Variants in PLCB1 observed in about 807,000 individuals in gnomAD.
PLCB1 encodes phospholipase C beta 1.
Under a neutral mutation model 161.8 loss-of-function variants are expected in PLCB1, and 46 were observed. That is an observed-to-expected ratio of 0.28 (90% CI 0.22 to 0.36). PLCB1 has a LOEUF of 0.36. Among genes scored for constraint, PLCB1 ranks in the 10% least tolerant of loss-of-function variants. The pLI is 1.00. For synonymous variants in PLCB1, 517 were observed against 503.7 expected, an observed-to-expected ratio of 1.03 and a Z score of -0.35; for missense variants, 1,016 against 1,472.5, an observed-to-expected ratio of 0.69 and a Z score of 5.07.
At chr20:8,176,075 T>C (rs1190736253) in intron 2 of PLCB1, among the ~76,000 whole-genome samples, 1 of 152,164 alleles carries the variant, frequency 6.6e-6, no homozygotes, top group Non-Finnish European at 1.5e-5. Context: ...GGTTAAACAG[T>C]CTGGCAGTTT....
intron 3 of PLCB1, among the ~76,000 whole-genome samples, chr20:8,601,907 G>A (rs970723993): frequency 3.9e-5 from 6 of 152,204 alleles, no homozygotes; most frequent in East Asian, 1.9e-4. Flanking sequence ...GAAGTGTTGC[G>A]GCTGTTTTCT....
chr20:8,167,989 T>C (rs975140210), intron 2 of PLCB1, among the ~76,000 whole-genome samples: 1 of 152,158 alleles, frequency 6.6e-6, no homozygotes, highest in Non-Finnish European at 1.5e-5. Context: ...AGGCTTCAGC[T>C]AGGATGGCTA....
chr20:8,328,490 T>C (rs980559851), intron 2 of PLCB1, among the ~76,000 whole-genome samples: 1 of 151,966 alleles, frequency 6.6e-6, no homozygotes, highest in Non-Finnish European at 1.5e-5. Flanking sequence ...GTTCATTGCC[T>C]GATTTTGGCC....
intron 23 of PLCB1, among the ~76,000 whole-genome samples, chr20:8,746,934 C>T (rs981421743): frequency 3.3e-5 from 5 of 152,160 alleles, no homozygotes; most frequent in African/African-American, 1.2e-4. Flanking sequence ...GACTCAGCAT[C>T]TCTAATAAGC....
chr20:8,327,464 C>T (rs542308315), intron 2 of PLCB1, among the ~76,000 whole-genome samples: 1 of 152,288 alleles, frequency 6.6e-6, no homozygotes, highest in South Asian at 2.1e-4. Flanking sequence ...GATGCCCATG[C>T]TTAGCTGCAA....
chr20:8,876,767 T>C (rs759704917), intron 31 of PLCB1, among the ~76,000 whole-genome samples: 5 of 152,270 alleles, frequency 3.3e-5, no homozygotes, highest in Non-Finnish European at 5.9e-5. Flanking sequence ...ATTGAAGTGA[T>C]GCAAAAAGTA....
At chr20:8,193,924 C>T (rs1312045469) in intron 2 of PLCB1, among the ~76,000 whole-genome samples, 1 of 151,942 alleles carries the variant, frequency 6.6e-6, no homozygotes. Context: ...GCCTTGCTTT[C>T]TTCTTTCCAA....
intron 31 of PLCB1, among the ~76,000 whole-genome samples, chr20:8,793,767 T>A (rs1294494628): frequency 6.6e-6 from 1 of 152,156 alleles, no homozygotes; most frequent in Admixed American, 6.5e-5. Flanking sequence ...TAACATCTTA[T>A]CAGTAGACAG....
At chr20:8,143,840 A>G (rs2051427758) in intron 1 of PLCB1, among the ~76,000 whole-genome samples, 1 of 152,250 alleles carries the variant, frequency 6.6e-6, no homozygotes, top group African/African-American at 2.4e-5. Flanking sequence ...AAAGTCAACC[A>G]GAAACCATTA....
intron 31 of PLCB1, among the ~76,000 whole-genome samples, chr20:8,846,198 A>T (rs560227563): frequency 1.3e-5 from 2 of 152,206 alleles, no homozygotes; most frequent in East Asian, 3.9e-4. Context: ...GGAAGAAGAG[A>T]ATAAAGGGGG....
At chr20:8,856,314 A>G (rs1226660660) in intron 31 of PLCB1, among the ~76,000 whole-genome samples, 1 of 152,182 alleles carries the variant, frequency 6.6e-6, no homozygotes, top group African/African-American at 2.4e-5. Flanking sequence ...TACTGAACCT[A>G]TACTGTATAA....
chr20:8,535,202 C>CAAAAAAAAAAAAAAAAAAAAAAAAAA (rs11323420), intron 3 of PLCB1, among the ~76,000 whole-genome samples: 1 of 52,796 alleles, frequency 1.9e-5, no homozygotes, highest in Non-Finnish European at 3.5e-5. Flanking sequence ...AGTTTATGGG[C>CAAAAAAAAAAAAAAAAAAAAAAAAAA]AAAAAAAAAA....
chr20:8,428,314 G>A (rs929558018), intron 3 of PLCB1, among the ~76,000 whole-genome samples: 5 of 152,014 alleles, frequency 3.3e-5, no homozygotes, highest in Admixed American at 1.3e-4. Flanking sequence ...TCTGTCTCCC[G>A]GGTTCAAGCG....
intron 31 of PLCB1, among the ~76,000 whole-genome samples, chr20:8,811,795 C>T (rs1414554904): frequency 1.3e-5 from 2 of 152,138 alleles, no homozygotes; most frequent in Non-Finnish European, 2.9e-5. Context: ...GTCTACAGAC[C>T]AAGAGGCTTC....
Position 8,149,273 on chromosome 20 carries a change from T to A in PLCB1, c.100-1021T>A, listed in dbSNP as rs531551399. On this transcript the variant is annotated intron_variant, in intron 1 of 31. Coordinates refer to ENST00000338037, the MANE Select transcript of PLCB1 (RefSeq NM_015192.4). ...TTAGGTATTATGATTATTCCCTTCT[T>A]TTTTCAGTTGTGTAAAGCTATGCAC... Among the ~76,000 whole-genome samples the A allele has an allele frequency of 2.0e-5, 3 of 152,268 alleles. No individual in the cohort carries two copies. In the South Asian group the frequency reaches 6.2e-4, roughly 32 times the overall value.
At chr20:8,463,146 AGTGTGTGTGTGTGT>A (rs11472638) in intron 3 of PLCB1, among the ~76,000 whole-genome samples, 3 of 144,680 alleles carry the variant, frequency 2.1e-5, no homozygotes, top group South Asian at 2.3e-4. Context: ...AGTACAGAGC[AGTGTGTGTGTGTGT>A]GTGTGTGTGT....
chr20:8,493,656 G>C (rs1983037896), intron 3 of PLCB1, among the ~76,000 whole-genome samples: 1 of 147,758 alleles, frequency 6.8e-6, no homozygotes, highest in African/African-American at 2.6e-5. Context: ...TGAACCTCAG[G>C]TAGTAGCCCT....
At chr20:8,538,819 A>C (rs1191274560) in intron 3 of PLCB1, among the ~76,000 whole-genome samples, 1 of 140,634 alleles carries the variant, frequency 7.1e-6, no homozygotes, top group Non-Finnish European at 1.5e-5. Context: ...TTTGAGATGG[A>C]GTCCCACTGT....
At chr20:8,192,765 A>G (rs779162697) in intron 2 of PLCB1, among the ~76,000 whole-genome samples, 1 of 151,962 alleles carries the variant, frequency 6.6e-6, no homozygotes, top group Non-Finnish European at 1.5e-5. Context: ...GGAAGAGAAT[A>G]AGAAATGATG....
Sources: allele counts gnomAD v4.1 joint callset (sites outside exome capture counted in the v4.1 genomes callset), GRCh38; gene constraint gnomAD v4.1.1; transcripts MANE v1.5; gene names NCBI Gene and HGNC (gene_info 2026-07-23, HGNC 2026-07-21).